ABCB11: variants seen among roughly 807,000 people sequenced by gnomAD.
ABCB11 encodes the protein ATP binding cassette subfamily B member 11, also known as bile salt export pump.
In ABCB11, 95 loss-of-function variants were observed where a neutral mutation model predicts 148.0. The ratio of observed to expected loss-of-function variants is 0.64; its 90% CI spans 0.54 to 0.76. The LOEUF (loss-of-function observed/expected upper bound fraction) is 0.76, where lower values mean the gene tolerates loss of function less well. Among genes scored for constraint, ABCB11 ranks in the 30% least tolerant of loss-of-function variants. The pLI, the probability that ABCB11 is intolerant of heterozygous loss-of-function variation, is 0.00. For synonymous variants in ABCB11, 591 were observed against 555.4 expected (o/e 1.06, Z -0.90); for missense variants, 1,523 against 1,617.8 (o/e 0.94, Z 1.01).
intron 1 of ABCB11, among the ~76,000 whole-genome samples, chr2:169,029,130 T>C (rs995084876): frequency 4.6e-5 from 7 of 152,006 alleles, no homozygotes; most frequent in Admixed American, 6.5e-5. Flanking sequence ...GGCTTTTCTC[T>C]TGTGAAGTCT....
chr2:168,996,808 A>C (rs1694730429), intron 5 of ABCB11, 86 bp from the exon 6 acceptor site: 2 of 395,802 alleles, frequency 5.1e-6, no homozygotes. Context: ...GGGATTTAAA[A>C]AATATATATA....
In ABCB11 at chr2:168,992,602, C is replaced by T. The variant is rs878936069; in HGVS notation, c.783+1109G>A. 4.6e-5 allele frequency among the ~76,000 whole-genome samples: 7 copies of T among 151,998 alleles called. No homozygotes were observed. The South Asian group carries it at 6.2e-4, about 13-fold the overall frequency. On this transcript the variant is annotated intron_variant, in intron 8 of 27. Coordinates refer to ENST00000650372, the MANE Select transcript of ABCB11 (RefSeq NM_003742.4). Reference sequence around the variant, plus strand: ...TGCCCGACACGGCTTAAATGCATAACGTGGATTATTCCCTGAATCATCATA... The same window carrying T: ...TGCCCGACACGGCTTAAATGCATAATGTGGATTATTCCCTGAATCATCATA...
downstream of ABCB11, among the ~76,000 whole-genome samples, chr2:168,918,890 G>A (rs534275334): frequency 9.2e-5 from 14 of 151,970 alleles, no homozygotes; most frequent in South Asian, 2.9e-3. Context: ...TTTAATTTTT[G>A]TAACTGTACT....
chr2:168,972,112 T>C (rs1693609871), intron 13 of ABCB11, 62 bp from the exon 14 acceptor site: 3 of 1,489,884 alleles, frequency 2.0e-6, no homozygotes, highest in South Asian at 1.2e-5. Flanking sequence ...AATCATAATA[T>C]TATGTCATAC....
At chr2:168,917,114 A>G (rs1476197060), downstream of ABCB11, among the ~76,000 whole-genome samples, 1 of 152,186 alleles carries the variant, frequency 6.6e-6, no homozygotes, top group Non-Finnish European at 1.5e-5. Flanking sequence ...GGGCAGCACC[A>G]AATTCAAAGA....
At chr2:168,951,736 TA>T (rs1692579774) in intron 19 of ABCB11, among the ~76,000 whole-genome samples, 1 of 151,674 alleles carries the variant, frequency 6.6e-6, no homozygotes, top group African/African-American at 2.4e-5. Context: ...GCATGCCTTT[TA>T]TTTTTTTTCT....
intron 5 of ABCB11, among the ~76,000 whole-genome samples, chr2:169,012,748 A>AC (rs1272553356): frequency 6.6e-6 from 1 of 151,162 alleles, no homozygotes; most frequent in African/African-American, 2.4e-5. Flanking sequence ...TAAAAAAAAA[A>AC]AAAAAAGAAA....
rs1377377189 is a variant in ABCB11, at chr2:168,958,134, G to T, written c.2179-6C>A. ...TGCACAGGAATGTCCTTGTCCTTGAGCAGAGAGAGGGTTATATTAATCATC... is the reference window on the plus strand; with the variant it reads ...TGCACAGGAATGTCCTTGTCCTTGATCAGAGAGAGGGTTATATTAATCATC... On this transcript the variant is annotated splice_region_variant and splice_polypyrimidine_tract_variant and intron_variant, in intron 18 of 27. Coordinates refer to ENST00000650372, the MANE Select transcript of ABCB11 (RefSeq NM_003742.4). 1.2e-6 allele frequency: 2 copies of T among 1,610,130 alleles called. No homozygotes were observed. The highest frequency in any genetic ancestry group is 1.7e-6 in the Non-Finnish European group (2 of 1,177,538).
intron 26 of ABCB11, among the ~76,000 whole-genome samples, chr2:168,925,388 A>G (rs1691261609): frequency 6.6e-6 from 1 of 152,244 alleles, no homozygotes; most frequent in Non-Finnish European, 1.5e-5. Flanking sequence ...AGAGAAAATT[A>G]GGAAGAAAAA....
intron 25 of ABCB11, 53 bp downstream of exon 25, chr2:168,930,612 G>A: frequency 2.2e-6 from 3 of 1,372,528 alleles, no homozygotes; most frequent in South Asian, 4.2e-5. Flanking sequence ...CACTTTTAGG[G>A]GTTGGAAATA....
intron 1 of ABCB11, among the ~76,000 whole-genome samples, chr2:169,024,500 T>TTATTAATGTCTTACATTATTAG (rs60543807): frequency 0.44 from 66,222 of 149,512 alleles, 15,413 homozygotes; most frequent in South Asian, 0.55. Context: ...CCACACCCAG[T>TTATTAATGTCTTACATTATTAG]TATTAATGTC....
At chr2:169,028,170 TGAGGC>T (rs1226191190) in intron 1 of ABCB11, among the ~76,000 whole-genome samples, 1 of 151,956 alleles carries the variant, frequency 6.6e-6, no homozygotes, top group Non-Finnish European at 1.5e-5. Flanking sequence ...CAGGGCAGCC[TGAGGC>T]CCAGGAAGAA....
At chr2:168,945,037 T>C in intron 19 of ABCB11, 76 bp from the exon 20 acceptor site, 1 of 1,066,586 alleles carries the variant, frequency 9.4e-7, no homozygotes, top group Non-Finnish European at 1.3e-6. Flanking sequence ...TTAAAATGAA[T>C]TTTTCTTACC....
intron 1 of ABCB11, among the ~76,000 whole-genome samples, chr2:169,026,955 C>T (rs1275692276): frequency 6.6e-6 from 1 of 152,154 alleles, no homozygotes; most frequent in Non-Finnish European, 1.5e-5. Context: ...CTGTCTCGGC[C>T]ATTAGCTGTA....
intron 9 of ABCB11, among the ~76,000 whole-genome samples, chr2:168,988,512 T>C (rs772893797): frequency 1.3e-5 from 2 of 152,196 alleles, no homozygotes; most frequent in Non-Finnish European, 2.9e-5. Context: ...CATTCACTTG[T>C]CTGTTAATGG....
At chr2:168,943,074 CT>C (rs1402667181) in intron 21 of ABCB11, among the ~76,000 whole-genome samples, 1 of 151,716 alleles carries the variant, frequency 6.6e-6, no homozygotes, top group Non-Finnish European at 1.5e-5. Flanking sequence ...AGAAAATCCT[CT>C]TTTTAAAAAG....
chr2:168,923,572 A>C lies in ABCB11; in HGVS notation c.*50T>G. On this transcript the variant is annotated 3_prime_UTR_variant, in exon 28 of 28. Coordinates refer to ENST00000650372, the MANE Select transcript of ABCB11 (RefSeq NM_003742.4). Reference sequence around the variant, plus strand: ...GCTGGGATTGTTTTTTTCTTTAAAAACAACCCCTGTAACTGGTGCGTCATG... The same window carrying C: ...GCTGGGATTGTTTTTTTCTTTAAAACCAACCCCTGTAACTGGTGCGTCATG... 1 of 1,570,518 alleles carries C rather than the reference A, an allele frequency of 6.4e-7. No individual in the cohort carries two copies. Among genetic ancestry groups the C allele is most frequent in the Non-Finnish European group, 8.8e-7 (1 of 1,142,308 alleles).
chr2:168,928,606 G>T (rs190092381), intron 25 of ABCB11, among the ~76,000 whole-genome samples: 11 of 152,252 alleles, frequency 7.2e-5, no homozygotes, highest in Admixed American at 2.6e-4. Flanking sequence ...TTCGACCTGT[G>T]ACCAGAACAT....
chr2:168,982,660 G>C (rs1015184479), intron 10 of ABCB11, among the ~76,000 whole-genome samples: 1 of 152,048 alleles, frequency 6.6e-6, no homozygotes, highest in Non-Finnish European at 1.5e-5. Context: ...ATCACAAAAC[G>C]TACTGGATTA....
Sources: gnomAD v4.1 joint callset for allele counts (sites outside exome capture counted in the v4.1 genomes callset) on GRCh38, gnomAD v4.1.1 for gene constraint, MANE v1.5 for transcripts, NCBI Gene and HGNC (gene_info 2026-07-23, HGNC 2026-07-21) for gene names.